Variants in DNMT1 observed in about 807,000 individuals in gnomAD.
DNMT1 encodes the protein DNA (cytosine-5)-methyltransferase 1.
In DNMT1, 24 loss-of-function variants were observed where a neutral mutation model predicts 205.3. The observed-to-expected ratio is 0.12, with a 90% CI of 0.08 to 0.16. DNMT1 has a LOEUF of 0.16. DNMT1 is among the 10% of genes least tolerant of loss of function. The pLI is 1.00. For missense variants in DNMT1, 1,293 were observed against 2,177.7 expected (o/e 0.59, Z 8.09); for synonymous variants, 817 against 839.8 (o/e 0.97, Z 0.47).
chr19:10,152,941 A>C (rs1252013571), intron 22 of DNMT1, among the ~76,000 whole-genome samples: 1 of 152,012 alleles, frequency 6.6e-6, no homozygotes, highest in Non-Finnish European at 1.5e-5. Context: ...CTCTACAAAA[A>C]AAAAAAAAAA....
rs2145370111 is a variant in DNMT1 at position 10,177,808 on chromosome 19, C to T, written c.494-441G>A. Among the ~76,000 whole-genome samples, 4 of 151,866 alleles carry T rather than the reference C, an allele frequency of 2.6e-5. 1 individual carries two copies. In the South Asian group the frequency reaches 8.3e-4, roughly 32 times the overall value. ...ATTAGCTGGGCGTGGTGGTACACACCTATAATCCCAGCTATTCAAGAGGCT... is the reference window on the plus strand; with the variant it reads ...ATTAGCTGGGCGTGGTGGTACACACTTATAATCCCAGCTATTCAAGAGGCT... On this transcript the variant is annotated intron_variant, in intron 5 of 40. Coordinates refer to ENST00000359526, the MANE Select transcript of DNMT1 (RefSeq NM_001130823.3).
Position 10,137,349 on chromosome 19 carries a change from GA to G in DNMT1, c.4294-70del. On this transcript the variant is annotated intron_variant, in intron 36 of 40. Transcript: ENST00000359526. This position sits in a 1 kb window ranked among gnomAD's most constrained non-coding sequence, Gnocchi z 6.4. ...CATCCGAGCATCCATGGTGGGCTGGGAGCTGGGAACACCATGGTGACCAGGA... is the reference window on the plus strand; with the variant it reads ...CATCCGAGCATCCATGGTGGGCTGGGGCTGGGAACACCATGGTGACCAGGA... The G allele has an allele frequency of 6.5e-7, 1 of 1,534,662 alleles. No homozygotes were observed. The highest frequency in any genetic ancestry group is 1.2e-5 in the South Asian group (1 of 83,922).
intron 30 of DNMT1, 161 bp downstream of exon 30, chr19:10,141,867 C>T (rs1298899523): frequency 2.6e-6 from 2 of 764,226 alleles, no homozygotes; most frequent in East Asian, 2.7e-5. Context: ...CTGCTCAGAC[C>T]CCCGTAAAGC....
Position 10,151,283 on chromosome 19 carries a change from G to A in DNMT1, c.2265+115C>T. The A allele has an allele frequency of 1.4e-6, 2 of 1,477,490 alleles. No individual in the cohort carries two copies. The highest frequency in any genetic ancestry group is 9.3e-7 in the Non-Finnish European group (1 of 1,072,400). 91.5% of individuals were successfully genotyped at this position (1,477,490 alleles called of 1,614,324 possible). Reference sequence around the variant, plus strand: ...CGCTCTTCTCAGGGGCAAACAGACAGGTTTCTTAGTGCCGGGGCTCAGGCT... The same window carrying A: ...CGCTCTTCTCAGGGGCAAACAGACAAGTTTCTTAGTGCCGGGGCTCAGGCT... On this transcript the variant is annotated intron_variant, in intron 24 of 40. Transcript: ENST00000359526. The surrounding 1 kb of genome is among the most constrained non-coding windows in gnomAD (Gnocchi z 5.0).
At chr19:10,184,727 G>A (rs1041273032) in intron 1 of DNMT1, among the ~76,000 whole-genome samples, 1 of 152,176 alleles carries the variant, frequency 6.6e-6, no homozygotes, top group Non-Finnish European at 1.5e-5. Flanking sequence ...CAGCCTGGGT[G>A]CTAACTACAG....
In DNMT1 at chr19:10,151,641, T is replaced by C; in HGVS notation, c.2118-96A>G. 1 of 1,608,830 alleles carries C rather than the reference T, an allele frequency of 6.2e-7. No homozygotes were observed. The highest frequency in any genetic ancestry group is 8.5e-7 in the Non-Finnish European group (1 of 1,177,016). Reference sequence around the variant, plus strand: ...CAGGGACAGGTCCTGAGACAATGCCTAACGAAGGAATCCTGGTGCTGTCCC... The same window carrying C: ...CAGGGACAGGTCCTGAGACAATGCCCAACGAAGGAATCCTGGTGCTGTCCC... On this transcript the variant is annotated intron_variant, in intron 23 of 40. Coordinates refer to ENST00000359526, the MANE Select transcript of DNMT1 (RefSeq NM_001130823.3). This position sits in a 1 kb window ranked among gnomAD's most constrained non-coding sequence, Gnocchi z 5.0.
At position 10,143,875 on chromosome 19, in the gene DNMT1, C is replaced by A; in HGVS notation, c.3007G>T (p.Ala1003Ser). Residue 1003 changes from alanine (A) to serine (S), a missense_variant, in exon 29 of 41, where the codon GCC becomes TCC. Transcript: ENST00000359526. Reference sequence around the variant, plus strand: ...CGGCCAATTCGGTAGGGCTCAGGGGCATCCAGGTTGCTGCCTTTGATGTAG... The same window carrying A: ...CGGCCAATTCGGTAGGGCTCAGGGGAATCCAGGTTGCTGCCTTTGATGTAG... ...SDYIKGSNLD[A>S]PEPYRIGRIK... 1.2e-6 allele frequency: 2 copies of A among 1,614,166 alleles called. No individual in the cohort carries two copies. Among genetic ancestry groups the A allele is most frequent in the Non-Finnish European group, 1.7e-6 (2 of 1,180,038 alleles).
At chr19:10,152,287 A>G (rs1178071527) in intron 22 of DNMT1, among the ~76,000 whole-genome samples, 1 of 150,116 alleles carries the variant, frequency 6.7e-6, no homozygotes, top group Non-Finnish European at 1.5e-5. Flanking sequence ...AAAAAAAAAA[A>G]GTGAGTCACA....
chr19:10,190,636 A>G (rs1311284575), intron 1 of DNMT1, among the ~76,000 whole-genome samples: 2 of 151,908 alleles, frequency 1.3e-5, no homozygotes, highest in Admixed American at 6.6e-5. Flanking sequence ...GTGGTGGCAC[A>G]TGCCTGTAAT....
chr19:10,185,512 T>C (rs572595724), intron 1 of DNMT1, among the ~76,000 whole-genome samples: 11 of 151,650 alleles, frequency 7.3e-5, no homozygotes, highest in African/African-American at 2.2e-4. Flanking sequence ...TTATATATAC[T>C]GTATCACTTG....
In DNMT1 at chr19:10,159,600, C is replaced by A. The variant is rs1308314131; in HGVS notation, c.1280+58G>T. 1 of 1,550,516 alleles carries A rather than the reference C, an allele frequency of 6.4e-7. No individual in the cohort carries two copies. The highest frequency in any genetic ancestry group is 8.9e-7 in the Non-Finnish European group (1 of 1,123,624). ...ATCACCAGAATCGTGAGCCCGCAGG[C>A]ACCTCTGGGGATGTGCCTCCTTCCA... On this transcript the variant is annotated intron_variant, in intron 17 of 40. Coordinates refer to ENST00000359526, the MANE Select transcript of DNMT1 (RefSeq NM_001130823.3). This position sits in a 1 kb window ranked among gnomAD's most constrained non-coding sequence, Gnocchi z 5.0.
intron 27 of DNMT1, among the ~76,000 whole-genome samples, chr19:10,147,842 G>A (rs894965802): frequency 5.9e-5 from 9 of 151,536 alleles, no homozygotes; most frequent in Admixed American, 1.3e-4. Context: ...CGCCGGGCGC[G>A]GTGGCTCACA....
At chr19:10,139,598 T>G in intron 34 of DNMT1, 78 bp downstream of exon 34, 1 of 1,561,154 alleles carries the variant, frequency 6.4e-7, no homozygotes, top group South Asian at 1.2e-5. Flanking sequence ...GAACCCTGCC[T>G]TCAGTAAGGG....
intron 1 of DNMT1, among the ~76,000 whole-genome samples, chr19:10,188,547 G>A (rs930920695): frequency 1.1e-4 from 17 of 152,058 alleles, no homozygotes; most frequent in Admixed American, 9.8e-4. Context: ...CTCAAAAAGA[G>A]TGGACCCACC....
At chr19:10,144,069 C>T (rs2089653750) in intron 28 of DNMT1, 82 bp from the exon 29 acceptor site, 1 of 1,391,248 alleles carries the variant, frequency 7.2e-7, no homozygotes, top group South Asian at 1.2e-5. Flanking sequence ...GTGAAAATAA[C>T]CATTTAAAGT....
At position 10,156,439 on chromosome 19, in the gene DNMT1, A is replaced by T; in HGVS notation, c.1351T>A (p.Phe451Ile). 6.2e-7 allele frequency: 1 copy of T among 1,613,266 alleles called. No individual in the cohort carries two copies. The highest frequency in any genetic ancestry group is 2.2e-5 in the East Asian group (1 of 44,842). ...GLIEKNIELF[F>I]SGSAKPIYDD... The stretch of plus-strand genomic sequence containing the variant: ...TAGATTGGTTTTGCTGAACCAGAAA[A>T]GAAGAGTTCGATATTCTTCTCGATG... The change falls in exon 18 of 41, where the codon TTT becomes ATT. Residue 451 changes from phenylalanine to isoleucine, a missense_variant. This residue lies in a region of DNMT1 where 120 missense variants were observed against 315.9 expected (regional missense o/e 0.38). Transcript: ENST00000359526. This position sits in a 1 kb window ranked among gnomAD's most constrained non-coding sequence, Gnocchi z 4.2.
Position 10,140,971 on chromosome 19 carries a change from A to C in DNMT1, c.3395-62T>G. On this transcript the variant is annotated intron_variant, in intron 31 of 40. Coordinates refer to ENST00000359526, the MANE Select transcript of DNMT1 (RefSeq NM_001130823.3). This position sits in a 1 kb window ranked among gnomAD's most constrained non-coding sequence, Gnocchi z 8.4. ...AGAGTCCAAGTCCACCTTGCTCTCAAGCGCCTTGTTAACTCAGGCGGCCTC... is the reference window on the plus strand; with the variant it reads ...AGAGTCCAAGTCCACCTTGCTCTCACGCGCCTTGTTAACTCAGGCGGCCTC... 6 of 1,613,732 alleles carry C rather than the reference A, an allele frequency of 3.7e-6. No individual in the cohort carries two copies. The highest frequency in any genetic ancestry group is 5.1e-6 in the Non-Finnish European group (6 of 1,180,014).
chr19:10,159,559 T>A lies in DNMT1; in HGVS notation c.1280+99A>T. On this transcript the variant is annotated intron_variant, in intron 17 of 40. Transcript: ENST00000359526. The surrounding 1 kb of genome is among the most constrained non-coding windows in gnomAD (Gnocchi z 5.0). ...GTGTTAGCTTAAGACATGTTGCAGG[T>A]CAGGCACTAAAAAACATCACCAGAA... is the stretch of plus-strand genomic sequence containing the variant. 8.3e-7 allele frequency: 1 copy of A among 1,206,848 alleles called. No individual in the cohort carries two copies. Among genetic ancestry groups the A allele is most frequent in the Non-Finnish European group, 1.2e-6 (1 of 828,604 alleles). 74.8% of individuals were successfully genotyped at this position (1,206,848 alleles called of 1,614,324 possible).
At chr19:10,135,212 CAAAAA>C (rs34374135) in intron 39 of DNMT1, among the ~76,000 whole-genome samples, 2 of 108,512 alleles carry the variant, frequency 1.8e-5, no homozygotes, top group Admixed American at 9.8e-5. Flanking sequence ...AGCTCCATCT[CAAAAA>C]AAAAAAAAAA....
Sources: gnomAD v4.1 joint callset for allele counts (sites outside exome capture counted in the v4.1 genomes callset) on GRCh38, gnomAD v4.1.1 for gene constraint, gnomAD v4.1.1 regional missense constraint, Gnocchi (gnomAD v3.1) non-coding constraint, MANE v1.5 for transcripts, NCBI Gene and HGNC (gene_info 2026-07-23, HGNC 2026-07-21) for gene names.